The following ARL15 variants were observed in gnomAD, a reference collection of about 807,000 sequenced individuals.
ARL15 encodes ARF like GTPase 15.
A neutral mutation model predicts 25.2 loss-of-function variants in ARL15; 19 were observed. The observed-to-expected ratio is 0.75, with a 90% CI of 0.53 to 1.10. The LOEUF (loss-of-function observed/expected upper bound fraction) is 1.10. ARL15 is among the 50% of genes least tolerant of loss of function. The pLI is 0.00. For missense variants in ARL15, 220 were observed against 246.0 expected (o/e 0.89, Z 0.71); for synonymous variants, 94 against 86.8 (o/e 1.08, Z -0.46).
At chr5:54,020,478 T>C (rs1344621505) in intron 4 of ARL15, among the ~76,000 whole-genome samples, 1 of 152,122 alleles carries the variant, frequency 6.6e-6, no homozygotes, top group African/African-American at 2.4e-5. Flanking sequence ...ACTTAGTGGG[T>C]AACCCAGACA....
intron 4 of ARL15, among the ~76,000 whole-genome samples, chr5:53,937,841 G>A (rs1746402754): frequency 6.6e-6 from 1 of 151,844 alleles, no homozygotes; most frequent in Non-Finnish European, 1.5e-5. Flanking sequence ...AAAAAAAGGG[G>A]TGGAGTGGGG....
At chr5:53,937,296 C>T (rs1256717662) in intron 4 of ARL15, among the ~76,000 whole-genome samples, 1 of 146,372 alleles carries the variant, frequency 6.8e-6, no homozygotes, top group South Asian at 2.1e-4. Flanking sequence ...CCTGCGCATA[C>T]ACACACACAC....
intron 1 of ARL15, among the ~76,000 whole-genome samples, chr5:54,283,499 A>G (rs893439060): frequency 6.6e-6 from 1 of 152,210 alleles, no homozygotes; most frequent in African/African-American, 2.4e-5. Flanking sequence ...GATCATGATC[A>G]CATCTATTAT....
intron 1 of ARL15, among the ~76,000 whole-genome samples, chr5:54,309,493 C>T (rs1758842042): frequency 6.6e-6 from 1 of 152,216 alleles, no homozygotes; most frequent in Non-Finnish European, 1.5e-5. Context: ...ATGTGTCCAA[C>T]AAGATGACAG....
At chr5:53,916,388 A>G (rs1745647783) in intron 4 of ARL15, among the ~76,000 whole-genome samples, 1 of 151,878 alleles carries the variant, frequency 6.6e-6, no homozygotes, top group Admixed American at 6.6e-5. Flanking sequence ...GATTTGAAGT[A>G]CCAATTGGGT....
chr5:54,217,651 A>T (rs1338713283), intron 1 of ARL15, among the ~76,000 whole-genome samples: 1 of 152,182 alleles, frequency 6.6e-6, no homozygotes, highest in East Asian at 1.9e-4. Flanking sequence ...AGGGGTAAAA[A>T]GAAATAAACA....
intron 3 of ARL15, among the ~76,000 whole-genome samples, chr5:54,116,533 A>G (rs768324106): frequency 6.6e-6 from 1 of 152,238 alleles, no homozygotes; most frequent in Non-Finnish European, 1.5e-5. Flanking sequence ...CACAGTTTTC[A>G]TTGTAAGACT....
chr5:53,951,740 A>G (rs952073022), intron 4 of ARL15: 8 of 298,748 alleles, frequency 2.7e-5, no homozygotes, highest in African/African-American at 1.9e-4. Flanking sequence ...TTTTCCATGA[A>G]TCTTTTTCAA....
intron 4 of ARL15, among the ~76,000 whole-genome samples, chr5:54,055,320 T>C (rs1415753899): frequency 1.7e-4 from 25 of 151,032 alleles, no homozygotes; most frequent in Admixed American, 1.7e-3. Flanking sequence ...GGTTCATCCA[T>C]GTTGTAACAT....
At chr5:54,229,325 TGG>T (rs1024373929) in intron 1 of ARL15, among the ~76,000 whole-genome samples, 1 of 152,200 alleles carries the variant, frequency 6.6e-6, no homozygotes, top group African/African-American at 2.4e-5. Context: ...CACCTTGAGA[TGG>T]TAATAGTCAA....
intron 4 of ARL15, among the ~76,000 whole-genome samples, chr5:54,071,979 G>GAAAAAAAAAAAAAAAAAAAAA: frequency 7.9e-6 from 1 of 126,174 alleles, no homozygotes; most frequent in Non-Finnish European, 1.6e-5. Flanking sequence ...CTCAAAAAAA[G>GAAAAAAAAAAAAAAAAAAAAA]AAAAAAAAAA....
At chr5:54,025,649 ATTTGTTTG>A (rs3836819) in intron 4 of ARL15, among the ~76,000 whole-genome samples, 8,505 of 151,096 alleles carry the variant, frequency 0.056, 257 homozygotes, top group Middle Eastern at 0.1. Context: ...CTGGCAAGTT[ATTTGTTTG>A]TTTGTTTGTT....
chr5:54,198,927 T>C (rs2112476881), intron 1 of ARL15, among the ~76,000 whole-genome samples: 1 of 152,234 alleles, frequency 6.6e-6, no homozygotes, highest in East Asian at 1.9e-4. Context: ...CAAAACAGCA[T>C]GGTATTGGTA....
At chr5:54,009,479 C>T (rs1749162195) in intron 4 of ARL15, among the ~76,000 whole-genome samples, 1 of 152,100 alleles carries the variant, frequency 6.6e-6, no homozygotes, top group Non-Finnish European at 1.5e-5. Context: ...GAAAGTAATA[C>T]TTAGGCTTTG....
chr5:54,110,354 T>C (rs1579808999), intron 4 of ARL15, among the ~76,000 whole-genome samples: 2 of 152,072 alleles, frequency 1.3e-5, no homozygotes, highest in Admixed American at 6.6e-5. Flanking sequence ...AATAGTGTGT[T>C]TGTACAGTTT....
chr5:54,283,315 T>C (rs373982127), intron 1 of ARL15, among the ~76,000 whole-genome samples: 1 of 152,116 alleles, frequency 6.6e-6, no homozygotes, highest in Non-Finnish European at 1.5e-5. Flanking sequence ...ATTTGGTAAA[T>C]AAAAGATTGG....
At chr5:54,111,849 T>C (rs1024992880) in intron 4 of ARL15, among the ~76,000 whole-genome samples, 1 of 152,080 alleles carries the variant, frequency 6.6e-6, no homozygotes, top group African/African-American at 2.4e-5. Context: ...ATCTACTCTA[T>C]AGGCAGAAAA....
rs10077213 is a variant in ARL15 at position 54,037,772 on chromosome 5, C to T, written c.462+75430G>A. Among the ~76,000 whole-genome samples the T allele has an allele frequency of 8.4e-3, 1,277 of 152,086 alleles. 24 individuals carry two copies. The highest frequency in any genetic ancestry group is 0.029 in the African/African-American group (1,212 of 41,512). ...GTTTTTACCTCCATTTCATTAGAGTCGTTATAGTATTAAAAATATTATATT... is the reference window on the plus strand; with the variant it reads ...GTTTTTACCTCCATTTCATTAGAGTTGTTATAGTATTAAAAATATTATATT... On this transcript the variant is annotated intron_variant, in intron 4 of 4. Coordinates refer to ENST00000504924, the MANE Select transcript of ARL15 (RefSeq NM_019087.3).
chr5:53,975,825 G>A (rs1308580197), intron 4 of ARL15, among the ~76,000 whole-genome samples: 4 of 152,172 alleles, frequency 2.6e-5, no homozygotes, highest in African/African-American at 9.7e-5. Context: ...ATAGGTCTAG[G>A]AACATCAGTA....
Sources: allele counts gnomAD v4.1 joint callset (sites outside exome capture counted in the v4.1 genomes callset), GRCh38; gene constraint gnomAD v4.1.1; transcripts MANE v1.5; gene names NCBI Gene and HGNC (gene_info 2026-07-23, HGNC 2026-07-21).